ENAH: variants seen among roughly 807,000 people sequenced by gnomAD.
The protein encoded by ENAH is protein enabled homolog.
ENAH carries 23 observed loss-of-function variants against 78.7 expected under a neutral mutation model. The ratio of observed to expected loss-of-function variants is 0.29; its 90% CI spans 0.21 to 0.41. The LOEUF is 0.41. Among genes scored for constraint, ENAH ranks in the 10% least tolerant of loss-of-function variants. The pLI is 1.00. For missense variants in ENAH, 544 were observed against 691.0 expected, an observed-to-expected ratio of 0.79 and a Z score of 2.39; for synonymous variants, 226 against 241.0, an observed-to-expected ratio of 0.94 and a Z score of 0.58.
Position 225,652,561 on chromosome 1 carries a change from G to A in ENAH, c.5+125C>T, listed in dbSNP as rs901071605. 3 of 1,080,194 alleles carry A rather than the reference G, an allele frequency of 2.8e-6. No homozygotes were observed. The South Asian group carries it at 1.2e-4, about 42-fold the overall frequency. 66.9% of individuals were successfully genotyped at this position (1,080,194 alleles called of 1,614,324 possible). The stretch of plus-strand genomic sequence containing the variant: ...AAGGGACAAAAGGCGGAGGGGGGAG[G>A]AACAGACCGGAGACCAGGGGAGACG... On this transcript the variant is annotated intron_variant, in intron 1 of 13. Coordinates refer to ENST00000366843, the MANE Select transcript of ENAH (RefSeq NM_018212.6).
Position 225,600,198 on chromosome 1 carries a change from T to C in ENAH, c.6-32784A>G, listed in dbSNP as rs567415566. Reference sequence around the variant, plus strand: ...AGAGCAACACAAAATGGACTAACACTGTGACTTACTCTCAAATGGTGCACT... The same window carrying C: ...AGAGCAACACAAAATGGACTAACACCGTGACTTACTCTCAAATGGTGCACT... On this transcript the variant is annotated intron_variant, in intron 1 of 13. Transcript: ENST00000366843. Among the ~76,000 whole-genome samples, 15 of 152,288 alleles carry C rather than the reference T, an allele frequency of 9.8e-5. No individual in the cohort carries two copies. In the East Asian group the frequency reaches 2.9e-3, roughly 29 times the overall value.
rs2096222727 is a variant in ENAH at position 225,491,608 on chromosome 1, C to G, written c.*6167G>C. On this transcript the variant is annotated 3_prime_UTR_variant, in exon 14 of 14. Transcript: ENST00000366843. ...GTAATGTATCTCTCTTATATGGTTG[C>G]AACAATGTGTATTTTAAGTGTAAGC... The G allele has an allele frequency of 1.3e-5, 2 of 152,124 alleles. No homozygotes were observed. Among genetic ancestry groups the G allele is most frequent in the African/African-American group, 4.8e-5 (2 of 41,434 alleles). The allele number at this position is 152,124 out of a possible 1,614,324, so 9.4% of individuals were successfully genotyped here.
intron 1 of ENAH, among the ~76,000 whole-genome samples, chr1:225,649,012 A>G (rs1662490197): frequency 6.6e-6 from 1 of 152,176 alleles, no homozygotes; most frequent in African/African-American, 2.4e-5. Flanking sequence ...CCCACTGCCC[A>G]GAAGTTTTAC....
chr1:225,535,621 C>T, intron 3 of ENAH: 2 of 998,648 alleles, frequency 2.0e-6, no homozygotes, highest in Middle Eastern at 2.4e-4. Flanking sequence ...ATCTGAAGAA[C>T]TTCACATAAA....
intron 3 of ENAH, among the ~76,000 whole-genome samples, chr1:225,553,567 A>T (rs1009554510): frequency 2.6e-5 from 4 of 151,880 alleles, no homozygotes; most frequent in Non-Finnish European, 5.9e-5. Flanking sequence ...ATCCAACAAG[A>T]TATTAAGAAA....
In ENAH at chr1:225,512,884, G is replaced by A. The variant is rs373034914; in HGVS notation, c.1351C>T (p.Leu451=). The change falls in exon 8 of 14, where the codon CTG becomes TTG. Residue 451 remains leucine, a synonymous_variant. Transcript: ENST00000366843. ...GAAATTCCTTACCTCCTGGCCAGCA[G>A]GGCACTCATTTCTTCCATTAAACCA... ...GSGLMEEMSA[L]LARRRRIAEK... 2.5e-6 allele frequency: 4 copies of A among 1,613,548 alleles called. No homozygotes were observed. In the African/African-American group the frequency reaches 4.0e-5, roughly 16 times the overall value.
At chr1:225,542,146 T>A (rs2096592531) in intron 3 of ENAH, among the ~76,000 whole-genome samples, 1 of 152,224 alleles carries the variant, frequency 6.6e-6, no homozygotes, top group Admixed American at 6.5e-5. Context: ...CCTCCTGAAC[T>A]GCTGGGATTA....
chr1:225,647,118 C>T (rs1407930652), intron 1 of ENAH, among the ~76,000 whole-genome samples: 1 of 151,932 alleles, frequency 6.6e-6, no homozygotes, highest in Admixed American at 6.6e-5. Flanking sequence ...CTCAGCTACT[C>T]GGGAGGCTGA....
intron 1 of ENAH, among the ~76,000 whole-genome samples, chr1:225,632,876 T>C (rs925765794): frequency 2.1e-4 from 32 of 152,136 alleles, no homozygotes; most frequent in African/African-American, 6.0e-4. Context: ...GGCTTGGAAA[T>C]GAGACAAAGC....
rs896570173 is a variant in ENAH at position 225,495,153 on chromosome 1, A to C, written c.*2622T>G. ...GGATAGTACAGACTTGTCACAGGTC[A>C]GATCACAGTGTTGAGGAAAGCAGTG... is the stretch of plus-strand genomic sequence containing the variant. On this transcript the variant is annotated 3_prime_UTR_variant, in exon 14 of 14. Coordinates refer to ENST00000366843, the MANE Select transcript of ENAH (RefSeq NM_018212.6). The C allele has an allele frequency of 6.6e-6, 1 of 152,638 alleles. No homozygotes were observed. The highest frequency in any genetic ancestry group is 1.5e-5 in the Non-Finnish European group (1 of 68,038). 9.5% of individuals were successfully genotyped at this position (152,638 alleles called of 1,614,324 possible).
chr1:225,638,087 G>T (rs1014688991), intron 1 of ENAH, among the ~76,000 whole-genome samples: 2 of 152,140 alleles, frequency 1.3e-5, no homozygotes, highest in Non-Finnish European at 2.9e-5. Flanking sequence ...ACAAGGCAAT[G>T]AATTATTAAT....
At chr1:225,526,458 C>T (rs1444271195) in intron 4 of ENAH, among the ~76,000 whole-genome samples, 2 of 151,952 alleles carry the variant, frequency 1.3e-5, no homozygotes, top group Non-Finnish European at 2.9e-5. Flanking sequence ...TCTGCCTCAG[C>T]CTCTCAAGTA....
At chr1:225,618,945 G>A (rs1328772164) in intron 1 of ENAH, among the ~76,000 whole-genome samples, 1 of 152,146 alleles carries the variant, frequency 6.6e-6, no homozygotes, top group Non-Finnish European at 1.5e-5. Context: ...CAATAGGAGG[G>A]CAAAAGGTTA....
intron 1 of ENAH, among the ~76,000 whole-genome samples, chr1:225,649,572 AACAG>A (rs1283678989): frequency 2.0e-5 from 3 of 152,288 alleles, no homozygotes; most frequent in African/African-American, 7.2e-5. Flanking sequence ...AATAGAACTA[AACAG>A]ACAGGACACT....
At chr1:225,539,414 A>C (rs1042505688) in intron 3 of ENAH, among the ~76,000 whole-genome samples, 2 of 152,202 alleles carry the variant, frequency 1.3e-5, no homozygotes. Context: ...GTCAACAACA[A>C]AGTACATATA....
Position 225,514,601 on chromosome 1 carries a change from A to G in ENAH, c.1213T>C (p.Ser405Pro), listed in dbSNP as rs1427768696. 6.2e-7 allele frequency: 1 copy of G among 1,611,876 alleles called. No homozygotes were observed. The highest frequency in any genetic ancestry group is 8.5e-7 in the Non-Finnish European group (1 of 1,179,710). ...AIAGAKLRKV[S>P]RMEDTSFPSG... ...TTTTTCAGAAAGGTATTTACCCGTGACACTTTCCTAAGTTTTGCTCCGGCA... is the reference window on the plus strand; with the variant it reads ...TTTTTCAGAAAGGTATTTACCCGTGGCACTTTCCTAAGTTTTGCTCCGGCA... The change falls in exon 7 of 14, where the codon TCA becomes CCA. Residue 405 changes from serine (S) to proline (P), a missense_variant. Ser to Pro is a moderately conservative substitution (Grantham distance 74). Coordinates refer to ENST00000366843, the MANE Select transcript of ENAH (RefSeq NM_018212.6).
In ENAH at chr1:225,595,130, C is replaced by T. The variant is rs190323516; in HGVS notation, c.6-27716G>A. Among the ~76,000 whole-genome samples, 616 of 152,140 alleles carry T rather than the reference C, an allele frequency of 4.0e-3. 3 individuals carry two copies. Among genetic ancestry groups the T allele is most frequent in the Non-Finnish European group, 4.1e-3 (279 of 67,982 alleles). ...CAGGTGGATCACAAGGTCAGGAGTT[C>T]GAGACCAGCCTGACCAACATGGTGA... On this transcript the variant is annotated intron_variant, in intron 1 of 13. Coordinates refer to ENST00000366843, the MANE Select transcript of ENAH (RefSeq NM_018212.6).
intron 1 of ENAH, among the ~76,000 whole-genome samples, chr1:225,633,839 A>C (rs2148381988): frequency 6.6e-6 from 1 of 152,284 alleles, no homozygotes; most frequent in South Asian, 2.1e-4. Flanking sequence ...TTAGCCTCAG[A>C]GATGCTCTGG....
intron 1 of ENAH, among the ~76,000 whole-genome samples, chr1:225,626,079 T>C (rs1229006707): frequency 1.3e-5 from 2 of 152,178 alleles, no homozygotes; most frequent in Middle Eastern, 3.4e-3. Context: ...GCTGGAATAA[T>C]GGGAATCTAG....
Sources: allele counts gnomAD v4.1 joint callset (sites outside exome capture counted in the v4.1 genomes callset), GRCh38; gene constraint gnomAD v4.1.1; transcripts MANE v1.5; gene names NCBI Gene and HGNC (gene_info 2026-07-23, HGNC 2026-07-21).